Variants in PABPC1 observed in about 807,000 individuals in gnomAD.
The protein encoded by PABPC1 is polyadenylate-binding protein 1.
PABPC1 carries 4 observed loss-of-function variants against 74.0 expected under a neutral mutation model. That is an observed-to-expected ratio of 0.05 (90% CI 0.03 to 0.12). PABPC1 has a LOEUF of 0.12. PABPC1 is among the 10% of genes least tolerant of loss of function. The probability of loss-of-function intolerance (pLI) is 1.00; values close to 1 mark genes in which losing one functional copy is unlikely to be tolerated. For missense variants in PABPC1, 271 were observed against 821.1 expected, an observed-to-expected ratio of 0.33 and a Z score of 8.19; for synonymous variants, 227 against 264.1, an observed-to-expected ratio of 0.86 and a Z score of 1.36.
At position 100,718,754 on chromosome 8, in the gene PABPC1, ATAAC is replaced by A. The variant is rs758472610; in HGVS notation, c.194-478_194-475del. Among the ~76,000 whole-genome samples the A allele has an allele frequency of 1.8e-4, 28 of 152,322 alleles. 1 individual carries two copies. Among genetic ancestry groups the A allele is most frequent in the Middle Eastern group, 3.4e-3 (1 of 294 alleles). On this transcript the variant is annotated intron_variant, in intron 1 of 14. Transcript: ENST00000318607. ...GCTAAAATTGGTCATTTCATTGCTA[ATAAC>A]TAACAATATTATATGAAAACTAGTC...
At chr8:100,709,363 T>A (rs988140507) in intron 8 of PABPC1, 96 bp downstream of exon 8, 1 of 1,505,666 alleles carries the variant, frequency 6.6e-7, no homozygotes, top group Non-Finnish European at 9.2e-7. Flanking sequence ...TTCCCCTTTC[T>A]TAATGTTTCA....
chr8:100,712,829 C>G (rs756476743), intron 5 of PABPC1, 40 bp from the exon 6 acceptor site: 3 of 1,512,186 alleles, frequency 2.0e-6, no homozygotes, highest in Non-Finnish European at 2.7e-6. Context: ...AATCACAAAA[C>G]TTTCAACTTA....
intron 2 of PABPC1, 33 bp downstream of exon 2, chr8:100,718,054 T>C (rs200136091): frequency 1.3e-5 from 21 of 1,566,942 alleles, no homozygotes; most frequent in African/African-American, 9.4e-5. Flanking sequence ...AGCTCAACAA[T>C]GTAAACATGT....
Position 100,721,324 on chromosome 8 carries a change from C to T in PABPC1, c.193+67G>A, listed in dbSNP as rs1291773785. ...TCCCCGGGCCCGCCGGCCTACCCCG[C>T]CCGCCGCCGCCGCCCGAGCCTCATG... On this transcript the variant is annotated intron_variant, in intron 1 of 14. Coordinates refer to ENST00000318607, the MANE Select transcript of PABPC1 (RefSeq NM_002568.4). The surrounding 1 kb of genome is among the most constrained non-coding windows in gnomAD (Gnocchi z 7.4). 2.1e-6 allele frequency: 2 copies of T among 945,072 alleles called. No homozygotes were observed. Among genetic ancestry groups the T allele is most frequent in the African/African-American group, 3.6e-5 (2 of 56,242 alleles). The allele number at this position is 945,072 out of a possible 1,614,324, so 58.5% of individuals were successfully genotyped here.
rs373042289 is a variant in PABPC1 at position 100,705,073 on chromosome 8, T to C, written c.1688-17A>G. 42 of 1,595,480 alleles carry C rather than the reference T, an allele frequency of 2.6e-5. No homozygotes were observed. The highest frequency in any genetic ancestry group is 3.5e-5 in the Non-Finnish European group (41 of 1,173,668). ...GCCGTTCACCTAGGAACAGAAACAT[T>C]CAAAAACTCCCTTCAATAAAAAAAA... On this transcript the variant is annotated splice_polypyrimidine_tract_variant and intron_variant, in intron 12 of 14. Transcript: ENST00000318607.
intron 1 of PABPC1, among the ~76,000 whole-genome samples, chr8:100,720,713 G>T (rs1810799184): frequency 6.6e-6 from 1 of 152,168 alleles, no homozygotes; most frequent in Admixed American, 6.5e-5. Context: ...TTAGAGAAAT[G>T]CTTGATCTAG....
intron 5 of PABPC1, 111 bp from the exon 6 acceptor site, chr8:100,712,900 C>T: frequency 2.3e-6 from 3 of 1,318,236 alleles, no homozygotes; most frequent in Non-Finnish European, 2.0e-6. Context: ...AAGACAAACC[C>T]ATCCCAAAAT....
intron 9 of PABPC1, 58 bp from the exon 10 acceptor site, chr8:100,707,055 T>G (rs1810398960): frequency 8.0e-7 from 1 of 1,246,076 alleles, no homozygotes; most frequent in African/African-American, 1.5e-5. Context: ...GTGAAAAGTG[T>G]TTATGCTGTC....
chr8:100,712,572 C>A, intron 6 of PABPC1, 80 bp downstream of exon 6: 2 of 1,529,550 alleles, frequency 1.3e-6, no homozygotes, highest in Middle Eastern at 1.7e-4. Flanking sequence ...AACCCTCCAG[C>A]TACCTGGAAG....
chr8:100,720,863 G>A (rs1810804331), intron 1 of PABPC1, among the ~76,000 whole-genome samples: 1 of 152,186 alleles, frequency 6.6e-6, no homozygotes, highest in Non-Finnish European at 1.5e-5. Flanking sequence ...CTAAGGCCTG[G>A]TGGCTCCCCC....
At chr8:100,711,251 G>A (rs893320282) in intron 7 of PABPC1, among the ~76,000 whole-genome samples, 1 of 152,038 alleles carries the variant, frequency 6.6e-6, no homozygotes, top group African/African-American at 2.4e-5. Flanking sequence ...CCGCACTCCA[G>A]CCCAGGCGAG....
intron 1 of PABPC1, among the ~76,000 whole-genome samples, chr8:100,720,030 G>T (rs575100189): frequency 2.0e-5 from 3 of 152,356 alleles, no homozygotes; most frequent in Admixed American, 6.5e-5. Flanking sequence ...GTGAAGAGCT[G>T]ATCAGTAACC....
rs972575868 is a variant in PABPC1 at position 100,718,276 on chromosome 8, C to T, written c.198G>A (p.Glu66=). ...YVNFQQPADA[E]RALDTMNFDV... ...CAAAATTCATGGTGTCCAAAGCACG[C>T]TCCGCTGCAGGAAGGACATTTTCAG... The change falls in exon 2 of 15, where the codon GAG becomes GAA. Residue 66 remains glutamate (E), a synonymous_variant. Coordinates refer to ENST00000318607, the MANE Select transcript of PABPC1 (RefSeq NM_002568.4). The T allele has an allele frequency of 1.1e-5, 17 of 1,609,478 alleles. No homozygotes were observed. The highest frequency in any genetic ancestry group is 1.4e-5 in the Non-Finnish European group (17 of 1,176,732).
intron 7 of PABPC1, among the ~76,000 whole-genome samples, chr8:100,711,577 A>T (rs1225028432): frequency 2.6e-5 from 4 of 152,254 alleles, no homozygotes; most frequent in African/African-American, 9.6e-5. Context: ...AGACAAAAAC[A>T]TTCAGGAATA....
At chr8:100,708,364 G>C (rs1001513741) in intron 9 of PABPC1, among the ~76,000 whole-genome samples, 6 of 152,130 alleles carry the variant, frequency 3.9e-5, no homozygotes, top group African/African-American at 1.4e-4. Flanking sequence ...GCTGAGGCAG[G>C]AGGATCACCT....
At position 100,721,767 on chromosome 8, in the gene PABPC1, C is replaced by G. The variant is rs1459093262; in HGVS notation, c.-184G>C. 1.3e-5 allele frequency: 6 copies of G among 475,488 alleles called. No individual in the cohort carries two copies. The highest frequency in any genetic ancestry group is 4.0e-5 in the Admixed American group (1 of 25,012). The allele number at this position is 475,488 out of a possible 1,614,324, so 29.5% of individuals were successfully genotyped here. On this transcript the variant is annotated 5_prime_UTR_variant, in exon 1 of 15. Transcript: ENST00000318607. This position sits in a 1 kb window ranked among gnomAD's most constrained non-coding sequence, Gnocchi z 7.4. ...AACGGGGTCGATCCACTGCCGCTGG[C>G]TGCCGGCTGCCGGCGGGGAGCGAGG...
At chr8:100,705,852 AT>A (rs968036026) in intron 11 of PABPC1, among the ~76,000 whole-genome samples, 179 bp from the exon 12 acceptor site, 3 of 152,062 alleles carry the variant, frequency 2.0e-5, no homozygotes, top group Non-Finnish European at 4.4e-5. Context: ...TCACAGATAC[AT>A]TTTTTTTCTT....
At chr8:100,717,661 T>G in intron 3 of PABPC1, 112 bp downstream of exon 3, 1 of 654,074 alleles carries the variant, frequency 1.5e-6, no homozygotes, top group Non-Finnish European at 2.6e-6. Context: ...TTTTATTCTT[T>G]TATCTTATGT....
chr8:100,720,046 T>C (rs913669403), intron 1 of PABPC1, among the ~76,000 whole-genome samples: 1 of 152,248 alleles, frequency 6.6e-6, no homozygotes, highest in African/African-American at 2.4e-5. Context: ...TAACCTAAGT[T>C]CTACTGAATG....
Sources: gnomAD v4.1 joint callset for allele counts (sites outside exome capture counted in the v4.1 genomes callset) on GRCh38, gnomAD v4.1.1 for gene constraint, Gnocchi (gnomAD v3.1) non-coding constraint, MANE v1.5 for transcripts, NCBI Gene and HGNC (gene_info 2026-07-23, HGNC 2026-07-21) for gene names.